Variants in TTC17 observed in about 807,000 individuals in gnomAD.
The protein encoded by TTC17 is tetratricopeptide repeat protein 17.
A neutral mutation model predicts 143.8 loss-of-function variants in TTC17; 58 were observed. The ratio of observed to expected loss-of-function variants is 0.40; its 90% CI spans 0.33 to 0.50. The LOEUF is 0.50. Among genes scored for constraint, TTC17 ranks in the 20% least tolerant of loss-of-function variants. The probability of loss-of-function intolerance (pLI) is 0.49; values close to 1 mark genes in which losing one functional copy is unlikely to be tolerated. For missense variants in TTC17, 1,273 were observed against 1,392.5 expected (o/e 0.91, Z 1.37); for synonymous variants, 501 against 497.8 (o/e 1.01, Z -0.09).
rs181410720 is a variant in TTC17 at position 43,464,743 on chromosome 11, T to A, written c.3030+13478T>A. On this transcript the variant is annotated intron_variant, in intron 21 of 23. Transcript: ENST00000039989. ...AAATGGAAATGCAAGCTTTTTTTTTTAAAGAGAGAATGATCTGCTACAATA... is the reference window on the plus strand; with the variant it reads ...AAATGGAAATGCAAGCTTTTTTTTTAAAAGAGAGAATGATCTGCTACAATA... Among the ~76,000 whole-genome samples, 507 of 152,026 alleles carry A rather than the reference T, an allele frequency of 3.3e-3. 2 individuals are homozygous for A. Among genetic ancestry groups the A allele is most frequent in the African/African-American group, 0.011 (470 of 41,488 alleles).
At chr11:43,405,477 C>A (rs1041383640) in intron 11 of TTC17, 37 bp from the exon 12 acceptor site, 3 of 1,490,358 alleles carry the variant, frequency 2.0e-6, no homozygotes, top group Non-Finnish European at 2.8e-6. Context: ...AATATTGAAT[C>A]CAAAGAAATT....
At chr11:43,382,072 A>G (rs914932541) in intron 2 of TTC17, among the ~76,000 whole-genome samples, 9 of 152,248 alleles carry the variant, frequency 5.9e-5, no homozygotes, top group Non-Finnish European at 1.2e-4. Flanking sequence ...CCATGAGACT[A>G]GATAAAACAG....
intron 15 of TTC17, among the ~76,000 whole-genome samples, chr11:43,414,030 T>C (rs535733175): frequency 5.6e-4 from 85 of 152,304 alleles, no homozygotes; most frequent in African/African-American, 2.0e-3. Flanking sequence ...AAAGTGGAAA[T>C]AGCCCAACTG....
At chr11:43,404,406 T>C (rs1858016457) in intron 11 of TTC17, among the ~76,000 whole-genome samples, 1 of 152,214 alleles carries the variant, frequency 6.6e-6, no homozygotes. Flanking sequence ...CTGAGTATTA[T>C]TACCAACCTT....
Position 43,428,116 on chromosome 11 carries a change from C to G in TTC17, c.2251+13340C>G, listed in dbSNP as rs1185422506. On this transcript the variant is annotated intron_variant, in intron 16 of 23. Transcript: ENST00000039989. Reference sequence around the variant, plus strand: ...GTCCAGTAGGAGCTAACATGTCTGACAAGTGGCCTGTATTGTCCCACCTTC... The same window carrying G: ...GTCCAGTAGGAGCTAACATGTCTGAGAAGTGGCCTGTATTGTCCCACCTTC... Among the ~76,000 whole-genome samples, 5 of 152,246 alleles carry G rather than the reference C, an allele frequency of 3.3e-5. No individual in the cohort carries two copies. The Middle Eastern group carries it at 0.01, about 311-fold the overall frequency.
At chr11:43,471,515 G>A (rs1948092325) in intron 21 of TTC17, among the ~76,000 whole-genome samples, 2 of 152,212 alleles carry the variant, frequency 1.3e-5, no homozygotes, top group Non-Finnish European at 2.9e-5. Flanking sequence ...AACCAGCCCA[G>A]CTGCAGTTTG....
chr11:43,469,316 T>C (rs1317010105), intron 21 of TTC17, among the ~76,000 whole-genome samples: 1 of 152,182 alleles, frequency 6.6e-6, no homozygotes, highest in East Asian at 1.9e-4. Flanking sequence ...TTTGTCAGTT[T>C]ATTAAAGAGT....
At chr11:43,392,064 C>T (rs1053136077) in intron 5 of TTC17, 112 bp downstream of exon 5, 21 of 1,294,582 alleles carry the variant, frequency 1.6e-5, no homozygotes, top group Admixed American at 8.3e-5. Flanking sequence ...ATCTAGAAGA[C>T]GATTTAAAAT....
intron 20 of TTC17, 122 bp downstream of exon 20, chr11:43,450,363 G>C: frequency 8.3e-7 from 1 of 1,202,574 alleles, no homozygotes; most frequent in Non-Finnish European, 1.1e-6. Context: ...TTTCAGTTAG[G>C]CATCACCTAG....
At chr11:43,444,767 G>A (rs967471359) in intron 18 of TTC17, among the ~76,000 whole-genome samples, 1 of 140,362 alleles carries the variant, frequency 7.1e-6, no homozygotes, top group African/African-American at 2.6e-5. Flanking sequence ...ACAGATGGCC[G>A]CTAAACTTGA....
chr11:43,449,942 T>G (rs1947624729), intron 19 of TTC17, 140 bp from the exon 20 acceptor site: 1 of 965,008 alleles, frequency 1.0e-6, no homozygotes, highest in South Asian at 1.9e-5. Context: ...TTACTTCGTT[T>G]AAAATCAGGG....
intron 21 of TTC17, among the ~76,000 whole-genome samples, chr11:43,482,009 C>T (rs1250430863): frequency 1.3e-5 from 2 of 152,104 alleles, no homozygotes; most frequent in Middle Eastern, 3.4e-3. Flanking sequence ...GAGGTTTCAC[C>T]ATGTTGCCCA....
intron 21 of TTC17, 123 bp downstream of exon 21, chr11:43,451,388 A>G: frequency 1.3e-6 from 1 of 767,462 alleles, no homozygotes; most frequent in Non-Finnish European, 2.2e-6. Context: ...GGCTAAAAGG[A>G]TAATGTGAAA....
At chr11:43,472,697 A>C (rs1332457557) in intron 21 of TTC17, among the ~76,000 whole-genome samples, 2 of 152,208 alleles carry the variant, frequency 1.3e-5, no homozygotes. Context: ...GTTGATATCA[A>C]CTGTGACAAA....
intron 1 of TTC17, among the ~76,000 whole-genome samples, chr11:43,359,565 T>C (rs749319972): frequency 3.3e-5 from 5 of 152,214 alleles, no homozygotes; most frequent in African/African-American, 4.8e-5. Flanking sequence ...ACCCCTAGCC[T>C]GTGGACCATT....
chr11:43,397,015 A>G (rs1426743936), intron 6 of TTC17, 197 bp downstream of exon 6: 1 of 477,066 alleles, frequency 2.1e-6, no homozygotes, highest in Non-Finnish European at 3.7e-6. Context: ...TGTGTAATAT[A>G]CTTTCCATTT....
At chr11:43,367,362 C>T (rs1466177154) in intron 1 of TTC17, among the ~76,000 whole-genome samples, 3 of 152,012 alleles carry the variant, frequency 2.0e-5, no homozygotes, top group Non-Finnish European at 4.4e-5. Flanking sequence ...AACTTTAATG[C>T]GCAGGCATCA....
chr11:43,401,340 A>G, intron 9 of TTC17, 106 bp from the exon 10 acceptor site: 1 of 659,506 alleles, frequency 1.5e-6, no homozygotes, highest in Non-Finnish European at 2.6e-6. Context: ...GTAGCCTGCT[A>G]GGCTCTGAGG....
intron 21 of TTC17, among the ~76,000 whole-genome samples, chr11:43,463,653 A>G (rs1947913585): frequency 6.6e-6 from 1 of 152,222 alleles, no homozygotes; most frequent in Admixed American, 6.5e-5. Context: ...TGTCATTTTA[A>G]TGCAATAACA....
Sources: allele counts gnomAD v4.1 joint callset (sites outside exome capture counted in the v4.1 genomes callset), GRCh38; gene constraint gnomAD v4.1.1; transcripts MANE v1.5; gene names NCBI Gene and HGNC (gene_info 2026-07-23, HGNC 2026-07-21).